Variants in ZFP91 observed in about 807,000 individuals in gnomAD.
The protein encoded by ZFP91 is ZFP91 zinc finger protein, atypical E3 ubiquitin ligase.
A neutral mutation model predicts 63.5 loss-of-function variants in ZFP91; 7 were observed. The ratio of observed to expected loss-of-function variants is 0.11; its 90% CI spans 0.06 to 0.21. The LOEUF (loss-of-function observed/expected upper bound fraction) is 0.21. Among genes scored for constraint, ZFP91 ranks in the 10% least tolerant of loss-of-function variants. The pLI is 1.00. For synonymous variants in ZFP91, 330 were observed against 272.1 expected (o/e 1.21, Z -2.10); for missense variants, 628 against 736.6 (o/e 0.85, Z 1.71).
chr11:58,612,484 T>G (rs910528488), intron 7 of ZFP91, 156 bp downstream of exon 7: 5 of 701,168 alleles, frequency 7.1e-6, no homozygotes, highest in Non-Finnish European at 1.2e-5. Context: ...TGTTATGATC[T>G]TATTTTCATT....
At chr11:58,608,345 A>T (rs370183814) in intron 2 of ZFP91, among the ~76,000 whole-genome samples, 3 of 151,956 alleles carry the variant, frequency 2.0e-5, no homozygotes, top group Non-Finnish European at 4.4e-5. Flanking sequence ...ATTTTGTAGG[A>T]TAAATTTCTA....
chr11:58,591,459 A>T (rs1168943264), intron 2 of ZFP91, among the ~76,000 whole-genome samples: 1 of 148,072 alleles, frequency 6.8e-6, no homozygotes, highest in African/African-American at 2.4e-5. Flanking sequence ...TAATTTATAC[A>T]TCATAAAATT....
At chr11:58,580,050 T>A in intron 1 of ZFP91, among the ~76,000 whole-genome samples, 1 of 151,540 alleles carries the variant, frequency 6.6e-6, no homozygotes, top group Non-Finnish European at 1.5e-5. Flanking sequence ...CCCCCCGCCT[T>A]CGCGTTAGCT....
chr11:58,579,232 C>G lies in ZFP91; in HGVS notation c.-50C>G. 7.4e-7 allele frequency: 1 copy of G among 1,356,196 alleles called. No homozygotes were observed. Among genetic ancestry groups the G allele is most frequent in the Non-Finnish European group, 9.4e-7 (1 of 1,058,794 alleles). 84.0% of individuals were successfully genotyped at this position (1,356,196 alleles called of 1,614,324 possible). On this transcript the variant is annotated 5_prime_UTR_variant, in exon 1 of 11. Coordinates refer to ENST00000316059, the MANE Select transcript of ZFP91 (RefSeq NM_053023.5). The stretch of plus-strand genomic sequence containing the variant: ...GGGGGGAGCAGCGCCGAGGCCGCCG[C>G]CTCCGCCTCCGCCGCCTAGGACTAG...
In ZFP91 at chr11:58,579,065, GGCGCGC is replaced by G. The variant is rs35866007; in HGVS notation, c.-206_-201del. ...TCCGATTGGCCCGCTGAGCGTCTGT[GGCGCGC>G]GCGCGCGCGCCGCCAGCGGTAGCGG... On this transcript the variant is annotated 5_prime_UTR_variant, in exon 1 of 11. Transcript: ENST00000316059. 24 of 340,560 alleles carry G rather than the reference GGCGCGC, an allele frequency of 7.0e-5. No homozygotes were observed. The Admixed American group carries it at 8.9e-4, about 13-fold the overall frequency. 21.1% of individuals were successfully genotyped at this position (340,560 alleles called of 1,614,324 possible).
chr11:58,581,820 A>T (rs941633813), intron 1 of ZFP91, among the ~76,000 whole-genome samples: 3 of 148,028 alleles, frequency 2.0e-5, no homozygotes, highest in Admixed American at 6.9e-5. Flanking sequence ...AGATGACTTA[A>T]TTAAATTCCT....
chr11:58,584,273 C>T (rs1321583534), intron 1 of ZFP91, among the ~76,000 whole-genome samples: 11 of 152,018 alleles, frequency 7.2e-5, no homozygotes. Flanking sequence ...GTCTTTTTAA[C>T]ACTTCATTGA....
chr11:58,613,102 A>G (rs1223772333), intron 8 of ZFP91, among the ~76,000 whole-genome samples: 2 of 152,048 alleles, frequency 1.3e-5, no homozygotes, highest in Non-Finnish European at 2.9e-5. Context: ...TACATTTGCA[A>G]CCTCCAGCAT....
intron 2 of ZFP91, among the ~76,000 whole-genome samples, chr11:58,590,949 A>G (rs1478789250): frequency 1.3e-5 from 2 of 151,920 alleles, no homozygotes; most frequent in Non-Finnish European, 2.9e-5. Context: ...TTTTAGAGAA[A>G]TCCTATTAAA....
In ZFP91 at chr11:58,618,578, T is replaced by A. The variant is rs1215460187; in HGVS notation, c.*872T>A. 1.3e-5 allele frequency: 5 copies of A among 397,134 alleles called. No homozygotes were observed. In the Admixed American group the frequency reaches 1.3e-4, roughly 11 times the overall value. 24.6% of individuals were successfully genotyped at this position (397,134 alleles called of 1,614,324 possible). ...CTTATTTATTAACAGGAAGTCTGAT[T>A]TTTTTTTTTTGGAGTCTTTGTTGCT... On this transcript the variant is annotated 3_prime_UTR_variant, in exon 11 of 11. Coordinates refer to ENST00000316059, the MANE Select transcript of ZFP91 (RefSeq NM_053023.5).
chr11:58,583,537 C>T (rs1200077648), intron 1 of ZFP91, among the ~76,000 whole-genome samples: 1 of 151,972 alleles, frequency 6.6e-6, no homozygotes, highest in African/African-American at 2.4e-5. Flanking sequence ...TTGGAGAAGC[C>T]TTCAGTTGTA....
In ZFP91 at chr11:58,611,665, A is replaced by G. The variant is rs752747127; in HGVS notation, c.784A>G (p.Ile262Val). ...KVKEEKEKKE[I>V]KVEVEVEVKE... Reference sequence around the variant, plus strand: ...AAAAGAAGAGAAGGAGAAGAAGGAAATTAAAGTGGAAGTAGAGGTGGAGGT... The same window carrying G: ...AAAAGAAGAGAAGGAGAAGAAGGAAGTTAAAGTGGAAGTAGAGGTGGAGGT... Residue 262 changes from isoleucine (I) to valine (V), a missense_variant, in exon 6 of 11, where the codon ATT becomes GTT. By Grantham distance (29) the Ile-to-Val change is conservative. Coordinates refer to ENST00000316059, the MANE Select transcript of ZFP91 (RefSeq NM_053023.5). 3 of 1,612,956 alleles carry G rather than the reference A, an allele frequency of 1.9e-6. No individual in the cohort carries two copies. The highest frequency in any genetic ancestry group is 1.7e-5 in the Admixed American group (1 of 59,912).
In ZFP91 at chr11:58,616,658, A is replaced by C. The variant is rs994620846; in HGVS notation, c.1103-58A>C. On this transcript the variant is annotated intron_variant, in intron 9 of 10. Transcript: ENST00000316059. ...CCCCATCATCTGCTTACTTACTGTAAGGGAAAATATTTACAGGGTATCTAA... is the reference window on the plus strand; with the variant it reads ...CCCCATCATCTGCTTACTTACTGTACGGGAAAATATTTACAGGGTATCTAA... The C allele has an allele frequency of 6.1e-5, 89 of 1,470,070 alleles. No homozygotes were observed. The African/African-American group carries it at 1.1e-3, about 18-fold the overall frequency. The allele number at this position is 1,470,070 out of a possible 1,614,324, so 91.1% of individuals were successfully genotyped here. A position where few individuals can be genotyped will look rare whatever the true frequency, so the allele number is the denominator to read the frequency against.
chr11:58,581,970 C>G (rs148724215), intron 1 of ZFP91, among the ~76,000 whole-genome samples: 5 of 152,314 alleles, frequency 3.3e-5, no homozygotes, highest in Non-Finnish European at 7.4e-5. Context: ...TATCTCTTGA[C>G]TGTGTTTTTG....
intron 2 of ZFP91, among the ~76,000 whole-genome samples, chr11:58,585,961 A>G (rs1010084367): frequency 3.3e-5 from 5 of 151,916 alleles, no homozygotes; most frequent in Non-Finnish European, 7.4e-5. Context: ...AATATTTCAT[A>G]GTATAGCAGG....
chr11:58,598,017 T>A (rs1855430745), intron 2 of ZFP91, among the ~76,000 whole-genome samples: 1 of 152,128 alleles, frequency 6.6e-6, no homozygotes, highest in Non-Finnish European at 1.5e-5. Flanking sequence ...GTAAATTCAC[T>A]CAGGTGGTGA....
At position 58,617,818 on chromosome 11, in the gene ZFP91, G is replaced by T; in HGVS notation, c.*112G>T. Reference sequence around the variant, plus strand: ...ATCTAGTGAAATAACTGAAGGGCCTGCTCTTTCCATTGTGGATCACAGCAC... The same window carrying T: ...ATCTAGTGAAATAACTGAAGGGCCTTCTCTTTCCATTGTGGATCACAGCAC... On this transcript the variant is annotated 3_prime_UTR_variant, in exon 11 of 11. Coordinates refer to ENST00000316059, the MANE Select transcript of ZFP91 (RefSeq NM_053023.5). The surrounding 1 kb of genome is among the most constrained non-coding windows in gnomAD (Gnocchi z 4.2). 7.2e-7 allele frequency: 1 copy of T among 1,389,190 alleles called. No individual in the cohort carries two copies. The highest frequency in any genetic ancestry group is 1.8e-5 in the South Asian group (1 of 54,388). The allele number at this position is 1,389,190 out of a possible 1,614,324, so 86.1% of individuals were successfully genotyped here. A position where few individuals can be genotyped will look rare whatever the true frequency, so the allele number is the denominator to read the frequency against.
chr11:58,610,260 A>G (rs1171881910), intron 3 of ZFP91, 38 bp from the exon 4 acceptor site: 2 of 1,583,150 alleles, frequency 1.3e-6, no homozygotes, highest in Non-Finnish European at 1.7e-6. Context: ...TCTTATATCT[A>G]CACTAATAAA....
Position 58,617,398 on chromosome 11 carries a change from C to T in ZFP91, c.1405C>T (p.Leu469Phe), listed in dbSNP as rs746894758. 1.9e-6 allele frequency: 3 copies of T among 1,613,504 alleles called. No homozygotes were observed. In the Admixed American group the frequency reaches 5.0e-5, roughly 27 times the overall value. The change falls in exon 11 of 11, where the codon CTC becomes TTC. Residue 469 changes from leucine (L) to phenylalanine (F), a missense_variant. Leu to Phe is a conservative substitution (Grantham distance 22). Around this residue, in one of 3 missense-constraint regions of ZFP91, gnomAD observed 115 missense variants for 125.4 expected, o/e 0.92. Coordinates refer to ENST00000316059, the MANE Select transcript of ZFP91 (RefSeq NM_053023.5). The surrounding 1 kb of genome is among the most constrained non-coding windows in gnomAD (Gnocchi z 4.2). ...AGCTCTGGCTGCCAATGCAGGCGCC[C>T]TCATCACCAGCACAGATATCTTGGG... ...AEALAANAGA[L>F]ITSTDILGTN...
Sources: gnomAD v4.1 joint callset for allele counts (sites outside exome capture counted in the v4.1 genomes callset) on GRCh38, gnomAD v4.1.1 for gene constraint, gnomAD v4.1.1 regional missense constraint, Gnocchi (gnomAD v3.1) non-coding constraint, MANE v1.5 for transcripts, NCBI Gene and HGNC (gene_info 2026-07-23, HGNC 2026-07-21) for gene names.